The following MTMR8 variants were observed in gnomAD, a reference collection of about 807,000 sequenced individuals.
MTMR8 encodes phosphatidylinositol-3,5-bisphosphate 3-phosphatase MTMR8.
A neutral mutation model predicts 39.3 loss-of-function variants in MTMR8; 65 were observed. That is an observed-to-expected ratio of 1.65 (90% CI 1.35 to 2.03). The LOEUF (loss-of-function observed/expected upper bound fraction) is 2.03, where lower values mean the gene tolerates loss of function less well. Among genes scored for constraint, MTMR8 ranks in the 30% most tolerant of loss-of-function variants. The pLI, the probability that MTMR8 is intolerant of heterozygous loss-of-function variation, is 0.00. For synonymous variants in MTMR8, 245 were observed against 185.2 expected (o/e 1.32, Z -2.62); for missense variants, 777 against 538.9 (o/e 1.44, Z -4.37).
chrX:64,356,952 G>T (rs1162028795), intron 2 of MTMR8, among the ~76,000 whole-genome samples: 1 of 111,378 alleles, frequency 9.0e-6, no homozygotes, highest in Non-Finnish European at 1.9e-5. Flanking sequence ...CTGGAATAAG[G>T]ATTTAACTAG....
At chrX:64,321,180 C>CA (rs1922634603) in intron 12 of MTMR8, among the ~76,000 whole-genome samples, 1 of 110,789 alleles carries the variant, frequency 9.0e-6, no homozygotes, top group Non-Finnish European at 1.9e-5. Flanking sequence ...AGAAAAAAAA[C>CA]AAAAACGTAT....
intron 1 of MTMR8, among the ~76,000 whole-genome samples, chrX:64,373,728 A>G (rs781242099): frequency 9.0e-6 from 1 of 111,300 alleles, no homozygotes; most frequent in Admixed American, 9.6e-5. Flanking sequence ...GGTAACAAAA[A>G]TGTAGTCAAA....
intron 12 of MTMR8, among the ~76,000 whole-genome samples, chrX:64,283,867 AT>A (rs1417585693): frequency 8.9e-6 from 1 of 112,149 alleles, no homozygotes; most frequent in Non-Finnish European, 1.9e-5. Context: ...AACCACAAAG[AT>A]GGGGAAAAAA....
chrX:64,377,237 C>T (rs2147243944), intron 1 of MTMR8, among the ~76,000 whole-genome samples: 1 of 112,103 alleles, frequency 8.9e-6, no homozygotes, highest in South Asian at 3.8e-4. Flanking sequence ...TCCACTGGGG[C>T]ACTGCCTAGT....
In MTMR8 at chrX:64,393,232, C is replaced by T. The variant is rs192743386; in HGVS notation, c.24+2108G>A. ...CATCTATGGATCTCAGTTTCCTCATCTGTAACATGGGAATAATAATAGTAT... is the reference window on the plus strand; with the variant it reads ...CATCTATGGATCTCAGTTTCCTCATTTGTAACATGGGAATAATAATAGTAT... On this transcript the variant is annotated intron_variant, in intron 1 of 13. Transcript: ENST00000374852. Among the ~76,000 whole-genome samples, 35 of 111,882 alleles carry T rather than the reference C, an allele frequency of 3.1e-4. 1 individual carries two copies. In the Admixed American group the frequency reaches 3.1e-3, roughly 10 times the overall value.
At chrX:64,318,903 A>T in intron 12 of MTMR8, among the ~76,000 whole-genome samples, 1 of 109,725 alleles carries the variant, frequency 9.1e-6, no homozygotes, top group Non-Finnish European at 1.9e-5. Context: ...CTGGTCTCGA[A>T]CTCCCAACCT....
At chrX:64,381,747 T>G (rs1379728479) in intron 1 of MTMR8, among the ~76,000 whole-genome samples, 2 of 111,728 alleles carry the variant, frequency 1.8e-5, no homozygotes, top group Admixed American at 9.5e-5. Context: ...GTCTAACATT[T>G]AAGTCTTTAA....
intron 12 of MTMR8, among the ~76,000 whole-genome samples, chrX:64,314,374 G>C (rs1165995171): frequency 1.8e-5 from 2 of 112,707 alleles, no homozygotes; most frequent in Non-Finnish European, 3.8e-5. Flanking sequence ...TGGCGGTGGA[G>C]GCTCAGGAGG....
At chrX:64,343,253 A>G (rs1490790482) in intron 8 of MTMR8, among the ~76,000 whole-genome samples, 1 of 112,003 alleles carries the variant, frequency 8.9e-6, no homozygotes, top group Non-Finnish European at 1.9e-5. Context: ...ATCACCTAAG[A>G]GTTTTTAATG....
chrX:64,351,467 C>A (rs905183299), intron 4 of MTMR8, among the ~76,000 whole-genome samples: 1 of 111,528 alleles, frequency 9.0e-6, no homozygotes, highest in Non-Finnish European at 1.9e-5. Context: ...CTGATTGCTA[C>A]CTGTGTTAGA....
intron 1 of MTMR8, among the ~76,000 whole-genome samples, chrX:64,370,799 T>A (rs1314939005): frequency 9.0e-6 from 1 of 111,432 alleles, no homozygotes; most frequent in Non-Finnish European, 1.9e-5. Flanking sequence ...TCAGAACATA[T>A]CCCCATGGTA....
rs1017432250 is a variant in MTMR8 at position 64,283,163 on chromosome X, C to T, written c.1482-12090G>A. Among the ~76,000 whole-genome samples, 33 of 112,177 alleles carry T rather than the reference C, an allele frequency of 2.9e-4. 1 individual carries two copies. In the Admixed American group the frequency reaches 3.0e-3, roughly 10 times the overall value. ...TTTCCAATGGTCACAGCAGACGGCA[C>T]ACCAGGAGATTATATCCGGCACCTG... On this transcript the variant is annotated intron_variant, in intron 12 of 13. Coordinates refer to ENST00000374852, the MANE Select transcript of MTMR8 (RefSeq NM_017677.4).
Position 64,282,268 on chromosome X carries a change from C to G in MTMR8, c.1482-11195G>C, listed in dbSNP as rs181230283. Among the ~76,000 whole-genome samples, 226 of 111,176 alleles carry G rather than the reference C, an allele frequency of 2.0e-3. 2 individuals are homozygous for G. The highest frequency in any genetic ancestry group is 5.1e-3 in the African/African-American group (155 of 30,610). ...TAATTATATTATAAAGATATAAGCA[C>G]ACATATGTTTATTGCAGCAGTATTC... is the stretch of plus-strand genomic sequence containing the variant. On this transcript the variant is annotated intron_variant, in intron 12 of 13. Coordinates refer to ENST00000374852, the MANE Select transcript of MTMR8 (RefSeq NM_017677.4).
intron 10 of MTMR8, among the ~76,000 whole-genome samples, chrX:64,333,889 T>C (rs1048851945): frequency 1.8e-5 from 2 of 111,876 alleles, no homozygotes; most frequent in African/African-American, 6.5e-5. Flanking sequence ...TCCTCTCTTA[T>C]GTTTCTTCTT....
rs777708835 is a variant in MTMR8 at position 64,280,879 on chromosome X, T to C, written c.1482-9806A>G. Among the ~76,000 whole-genome samples, 74 of 111,135 alleles carry C rather than the reference T, an allele frequency of 6.7e-4. 1 individual carries two copies. Among genetic ancestry groups the C allele is most frequent in the Non-Finnish European group, 3.0e-4 (16 of 53,073 alleles). ...AGGATACAAAATCAATGTGCAAAAATCTCAAGCATTGCTATACCACCCCCA... is the reference window on the plus strand; with the variant it reads ...AGGATACAAAATCAATGTGCAAAAACCTCAAGCATTGCTATACCACCCCCA... On this transcript the variant is annotated intron_variant, in intron 12 of 13. Coordinates refer to ENST00000374852, the MANE Select transcript of MTMR8 (RefSeq NM_017677.4).
At chrX:64,352,206 GACA>G (rs1923504415) in intron 4 of MTMR8, among the ~76,000 whole-genome samples, 1 of 111,180 alleles carries the variant, frequency 9.0e-6, no homozygotes, top group Non-Finnish European at 1.9e-5. Flanking sequence ...CATCCTGGCA[GACA>G]ACATTTCATA....
chrX:64,303,185 A>G (rs751793837), intron 12 of MTMR8, among the ~76,000 whole-genome samples: 20 of 112,188 alleles, frequency 1.8e-4, no homozygotes, highest in Non-Finnish European at 3.2e-4. Context: ...TATTTTAGCC[A>G]TTCTGATAAA....
At position 64,343,610 on chromosome X, in the gene MTMR8, C is replaced by A. The variant is rs374374227; in HGVS notation, c.975+1G>T. ...CAAATTTTAAAAGTCCTGATTATTA[C>A]CTTTGTAATGAAAATTCCAGCATCC... is the stretch of plus-strand genomic sequence containing the variant. On this transcript the variant is annotated splice_donor_variant, in intron 8 of 13. Transcript: ENST00000374852. LOFTEE classifies it high-confidence loss of function. 21 of 1,161,453 alleles carry A rather than the reference C, an allele frequency of 1.8e-5. No homozygotes were observed. Among genetic ancestry groups the A allele is most frequent in the Non-Finnish European group, 1.2e-6 (1 of 852,997 alleles).
chrX:64,318,344 G>C (rs1267841329), intron 12 of MTMR8, among the ~76,000 whole-genome samples: 1 of 112,069 alleles, frequency 8.9e-6, no homozygotes, highest in Admixed American at 9.4e-5. Flanking sequence ...ATTTGACATA[G>C]AGCAGTTATT....
Sources: allele counts gnomAD v4.1 joint callset (sites outside exome capture counted in the v4.1 genomes callset), GRCh38; gene constraint gnomAD v4.1.1; transcripts MANE v1.5; gene names NCBI Gene and HGNC (gene_info 2026-07-23, HGNC 2026-07-21).